Variants in FAAH2 observed in about 807,000 individuals in gnomAD.
The protein encoded by FAAH2 is fatty acid amide hydrolase 2, also known as fatty-acid amide hydrolase 2.
FAAH2 carries 60 observed loss-of-function variants against 36.9 expected under a neutral mutation model. That is an observed-to-expected ratio of 1.63 (90% confidence interval 1.32 to 2.02). The LOEUF (loss-of-function observed/expected upper bound fraction) is 2.02. Ranked by LOEUF, FAAH2 falls within the 30% of genes most tolerant of loss-of-function variation. The pLI is 0.00. For missense variants in FAAH2, 689 were observed against 397.5 expected (o/e 1.73, Z -6.23); for synonymous variants, 214 against 143.8 (o/e 1.49, Z -3.49).
intron 3 of FAAH2, among the ~76,000 whole-genome samples, chrX:57,327,030 G>T (rs1241035840): frequency 9.2e-6 from 1 of 108,589 alleles, no homozygotes; most frequent in Non-Finnish European, 1.9e-5. Flanking sequence ...TTCAGGGCAT[G>T]CCTGGTGGTA....
At chrX:57,456,111 A>G (rs1291300725) in intron 10 of FAAH2, among the ~76,000 whole-genome samples, 2 of 112,150 alleles carry the variant, frequency 1.8e-5, no homozygotes, top group African/African-American at 6.5e-5. Context: ...AAACTCTCAG[A>G]CCATAGTGCA....
the FAAH2 span, among the ~76,000 whole-genome samples, chrX:57,125,868 A>G: frequency 8.9e-6 from 1 of 112,062 alleles, no homozygotes; most frequent in Non-Finnish European, 1.9e-5. Context: ...GTGGTTTGAA[A>G]AAGAAAAAAA....
the FAAH2 span, chrX:57,228,980 C>G: frequency 9.0e-6 from 1 of 111,724 alleles, no homozygotes; most frequent in Non-Finnish European, 1.9e-5. Context: ...CATATTTCCC[C>G]CAGACTCTAC....
At chrX:57,378,521 A>C (rs2054746314) in intron 5 of FAAH2, 130 bp from the exon 6 acceptor site, 1 of 800,563 alleles carries the variant, frequency 1.2e-6, no homozygotes, top group Non-Finnish European at 1.8e-6. Context: ...CTGCAATGAG[A>C]TATAAGAAGA....
At chrX:57,361,515 A>AT (rs1235985169) in intron 5 of FAAH2, among the ~76,000 whole-genome samples, 2 of 111,070 alleles carry the variant, frequency 1.8e-5, no homozygotes, top group East Asian at 2.8e-4. Flanking sequence ...AGAAATTAAG[A>AT]TTTTTTCCTA....
intron 5 of FAAH2, among the ~76,000 whole-genome samples, chrX:57,368,704 A>G (rs953335684): frequency 9.0e-6 from 1 of 111,131 alleles, no homozygotes; most frequent in Non-Finnish European, 1.9e-5. Context: ...AAGCCCTAGG[A>G]AACATCAGCA....
the FAAH2 span, among the ~76,000 whole-genome samples, chrX:57,247,920 G>A: frequency 1.8e-5 from 2 of 112,133 alleles, no homozygotes; most frequent in African/African-American, 6.5e-5. Flanking sequence ...GATAAAAGTG[G>A]TAAATTTTCT....
At chrX:57,356,783 A>G (rs1602389295) in intron 5 of FAAH2, among the ~76,000 whole-genome samples, 1 of 109,841 alleles carries the variant, frequency 9.1e-6, no homozygotes, top group Admixed American at 9.7e-5. Context: ...TTTAATTTTT[A>G]TTATTTATTT....
chrX:57,328,835 G>A (rs2053306810), intron 3 of FAAH2, among the ~76,000 whole-genome samples: 1 of 111,625 alleles, frequency 9.0e-6, no homozygotes, highest in African/African-American at 3.3e-5. Context: ...CCAAGACTCA[G>A]CTCAGTACTC....
chrX:57,124,510 C>A, the FAAH2 span, among the ~76,000 whole-genome samples: 5 of 111,753 alleles, frequency 4.5e-5, no homozygotes, highest in African/African-American at 1.6e-4. Context: ...TTCATATGAA[C>A]TTTAAAGCAG....
At chrX:57,435,719 G>C (rs1310993931) in intron 8 of FAAH2, among the ~76,000 whole-genome samples, 5 of 111,040 alleles carry the variant, frequency 4.5e-5, no homozygotes, top group African/African-American at 1.6e-4. Flanking sequence ...CATCTAAAGA[G>C]AGAGGTGGAA....
In FAAH2 at chrX:57,375,701, A is replaced by G. The variant is rs566689058; in HGVS notation, c.743-2950A>G. ...TTTTATATATCTATTGGCCATTTGG[A>G]TTTCTGTTTGCAGAAAGCCTTGATA... is the stretch of plus-strand genomic sequence containing the variant. On this transcript the variant is annotated intron_variant, in intron 5 of 10. Transcript: ENST00000374900. 7.2e-5 allele frequency among the ~76,000 whole-genome samples: 8 copies of G among 111,116 alleles called. 1 individual carries two copies. The South Asian group carries it at 2.6e-3, about 36-fold the overall frequency.
chrX:57,459,031 G>A (rs950729687), intron 10 of FAAH2, among the ~76,000 whole-genome samples: 1 of 111,919 alleles, frequency 8.9e-6, no homozygotes, highest in African/African-American at 3.2e-5. Flanking sequence ...AAGTGGTCTC[G>A]CTCAGTGGTT....
At chrX:57,237,300 G>A in the FAAH2 span, among the ~76,000 whole-genome samples, 7 of 111,256 alleles carry the variant, frequency 6.3e-5, 1 homozygote, top group South Asian at 2.6e-3. Context: ...GATGCCTCCA[G>A]CTTTGCTCCT....
chrX:57,438,645 C>T (rs1487766681), intron 8 of FAAH2, among the ~76,000 whole-genome samples: 1 of 109,482 alleles, frequency 9.1e-6, no homozygotes, highest in African/African-American at 3.3e-5. Context: ...TACATGTGCA[C>T]AATGTGCAGG....
chrX:57,391,250 T>C (rs2055160532), intron 7 of FAAH2, among the ~76,000 whole-genome samples: 1 of 111,643 alleles, frequency 9.0e-6, no homozygotes, highest in Admixed American at 9.5e-5. Context: ...TTGCAAATAT[T>C]TTCTTCTCTT....
intron 5 of FAAH2, among the ~76,000 whole-genome samples, chrX:57,352,899 G>A (rs751764475): frequency 9.1e-6 from 1 of 110,256 alleles, no homozygotes; most frequent in East Asian, 2.9e-4. Flanking sequence ...TTTAGCCAAG[G>A]AGGAGAAAGA....
In FAAH2 at chrX:57,465,115, G is replaced by A. The variant is rs1477209555; in HGVS notation, c.1423+16397G>A. ...AATTAATTAAAATTAAAATTCACTA[G>A]AGGAGCTCAACATTATGTTTTAAAT... On this transcript the variant is annotated intron_variant, in intron 10 of 10. Coordinates refer to ENST00000374900, the MANE Select transcript of FAAH2 (RefSeq NM_174912.4). Among the ~76,000 whole-genome samples the A allele has an allele frequency of 3.6e-5, 4 of 111,590 alleles. No homozygotes were observed. In the East Asian group the frequency reaches 1.1e-3, roughly 31 times the overall value.
At chrX:57,252,598 G>A in the FAAH2 span, among the ~76,000 whole-genome samples, 1 of 112,099 alleles carries the variant, frequency 8.9e-6, no homozygotes, top group East Asian at 2.8e-4. Flanking sequence ...CTGTTCTGGA[G>A]CCTCTGCTGG....
Sources: gnomAD v4.1 joint callset for allele counts (sites outside exome capture counted in the v4.1 genomes callset) on GRCh38, gnomAD v4.1.1 for gene constraint, MANE v1.5 for transcripts, NCBI Gene and HGNC (gene_info 2026-07-23, HGNC 2026-07-21) for gene names.